Variants in CCDC60 observed in about 807,000 individuals in gnomAD.
CCDC60 encodes the protein coiled-coil domain-containing protein 60.
CCDC60 carries 54 observed loss-of-function variants against 63.5 expected under a neutral mutation model. That is an observed-to-expected ratio of 0.85 (90% CI 0.68 to 1.07). The LOEUF is 1.07. Ranked by LOEUF, CCDC60 falls within the 50% of genes least tolerant of loss-of-function variation. CCDC60 has a pLI of 0.00. For missense variants in CCDC60, 651 were observed against 684.3 expected (o/e 0.95, Z 0.54); for synonymous variants, 206 against 238.8 (o/e 0.86, Z 1.27).
intron 1 of CCDC60, among the ~76,000 whole-genome samples, chr12:119,368,728 T>C (rs1955868382): frequency 6.6e-6 from 1 of 152,348 alleles, no homozygotes; most frequent in East Asian, 1.9e-4. Flanking sequence ...CACAGGTTCA[T>C]GAATGTGCCC....
At chr12:119,346,374 G>A (rs944478942) in intron 1 of CCDC60, among the ~76,000 whole-genome samples, 4 of 152,098 alleles carry the variant, frequency 2.6e-5, no homozygotes, top group Non-Finnish European at 4.4e-5. Context: ...AGGAAACTGA[G>A]GCTTGAAGAA....
intron 1 of CCDC60, among the ~76,000 whole-genome samples, chr12:119,409,795 C>T (rs73406219): frequency 3.8e-4 from 58 of 152,056 alleles, no homozygotes; most frequent in Middle Eastern, 3.4e-3. Flanking sequence ...CTCTTCTCCC[C>T]TCCTCCCTCC....
At chr12:119,361,377 A>C (rs1344292123) in intron 1 of CCDC60, among the ~76,000 whole-genome samples, 1 of 152,166 alleles carries the variant, frequency 6.6e-6, no homozygotes, top group Non-Finnish European at 1.5e-5. Flanking sequence ...GTTTAGACAA[A>C]GTCATCAAGA....
chr12:119,433,888 C>G (rs1206738798), intron 2 of CCDC60, among the ~76,000 whole-genome samples: 1 of 152,188 alleles, frequency 6.6e-6, no homozygotes, highest in Admixed American at 6.5e-5. Context: ...ACCCTAGGCA[C>G]AAACTTGGTG....
At chr12:119,352,794 G>A (rs867063399) in intron 1 of CCDC60, among the ~76,000 whole-genome samples, 7 of 152,106 alleles carry the variant, frequency 4.6e-5, no homozygotes, top group South Asian at 2.1e-4. Flanking sequence ...AAAATTAGCC[G>A]GATGTGGTGG....
At chr12:119,529,101 T>A (rs546585878) in intron 12 of CCDC60, among the ~76,000 whole-genome samples, 1 of 152,126 alleles carries the variant, frequency 6.6e-6, no homozygotes, top group Non-Finnish European at 1.5e-5. Context: ...ATGGGGGTGA[T>A]CACTGCATCC....
chr12:119,483,730 T>C (rs2519543), intron 4 of CCDC60, among the ~76,000 whole-genome samples: 81,896 of 152,032 alleles, frequency 0.54, 22,991 homozygotes, highest in East Asian at 0.85. Flanking sequence ...GTGTGCTGAC[T>C]GCTGGCACTC....
intron 2 of CCDC60, among the ~76,000 whole-genome samples, chr12:119,455,372 T>C (rs1472752030): frequency 1.3e-5 from 2 of 152,114 alleles, no homozygotes; most frequent in Admixed American, 6.6e-5. Context: ...GCAATCACCA[T>C]GTAGTGTGCT....
At chr12:119,464,908 C>G (rs963175359) in intron 2 of CCDC60, among the ~76,000 whole-genome samples, 1 of 152,218 alleles carries the variant, frequency 6.6e-6, no homozygotes, top group Non-Finnish European at 1.5e-5. Context: ...TCAATTGTGT[C>G]CTCCCCAAAT....
At position 119,334,997 on chromosome 12, in the gene CCDC60, G is replaced by A. The variant is rs537029224; in HGVS notation, c.-180G>A. On this transcript the variant is annotated 5_prime_UTR_variant, in exon 1 of 14. Transcript: ENST00000327554. ...CCCGGACTTCCTTATCCCGTCTGTG[G>A]GAGACCCAGGTGCTTTCTCATTACT... 3.8e-6 allele frequency: 2 copies of A among 529,872 alleles called. No homozygotes were observed. Among genetic ancestry groups the A allele is most frequent in the South Asian group, 5.7e-5 (2 of 34,830 alleles). 32.8% of individuals were successfully genotyped at this position (529,872 alleles called of 1,614,324 possible).
intron 1 of CCDC60, among the ~76,000 whole-genome samples, chr12:119,408,555 G>A (rs1309098408): frequency 2.0e-5 from 3 of 152,220 alleles, no homozygotes; most frequent in Non-Finnish European, 4.4e-5. Context: ...TGGGCGCAGT[G>A]GCTCACACCT....
intron 2 of CCDC60, among the ~76,000 whole-genome samples, chr12:119,446,523 A>G (rs1950544207): frequency 6.6e-6 from 1 of 152,208 alleles, no homozygotes; most frequent in Non-Finnish European, 1.5e-5. Flanking sequence ...CTATACAAAG[A>G]TAAAAATAAA....
chr12:119,523,592 T>C, intron 10 of CCDC60, 101 bp from the exon 11 acceptor site: 1 of 1,536,504 alleles, frequency 6.5e-7, no homozygotes, highest in Non-Finnish European at 8.8e-7. Flanking sequence ...GAGTCCCCCA[T>C]GCAGAGCACC....
At chr12:119,404,667 C>T (rs1381244729) in intron 1 of CCDC60, among the ~76,000 whole-genome samples, 4 of 152,188 alleles carry the variant, frequency 2.6e-5, no homozygotes, top group African/African-American at 9.7e-5. Flanking sequence ...CCAAAGACCC[C>T]AACAGGGATG....
chr12:119,378,522 A>C (rs1303750944), intron 1 of CCDC60, among the ~76,000 whole-genome samples: 2 of 152,178 alleles, frequency 1.3e-5, no homozygotes, highest in Non-Finnish European at 2.9e-5. Context: ...TTACAGCAAC[A>C]TCATGAGGGC....
At chr12:119,373,825 G>A (rs1316022069) in intron 1 of CCDC60, among the ~76,000 whole-genome samples, 1 of 152,196 alleles carries the variant, frequency 6.6e-6, no homozygotes, top group Non-Finnish European at 1.5e-5. Flanking sequence ...GACCAAACAT[G>A]TGGATGATTG....
intron 1 of CCDC60, among the ~76,000 whole-genome samples, chr12:119,406,176 AATAT>A (rs113220833): frequency 1.4e-5 from 2 of 143,782 alleles, no homozygotes; most frequent in Non-Finnish European, 3.0e-5. Flanking sequence ...TGTCTCAAAA[AATAT>A]ATATATATAT....
Position 119,454,484 on chromosome 12 carries a change from G to A in CCDC60, c.171-17510G>A, listed in dbSNP as rs185913039. On this transcript the variant is annotated intron_variant, in intron 2 of 13. Coordinates refer to ENST00000327554, the MANE Select transcript of CCDC60 (RefSeq NM_178499.5). ...CTCACCTGTTGCCTATTTACCAGCTGCCCTGGACACGCTCAGTGGAGACTC... is the reference window on the plus strand; with the variant it reads ...CTCACCTGTTGCCTATTTACCAGCTACCCTGGACACGCTCAGTGGAGACTC... 2.5e-3 allele frequency among the ~76,000 whole-genome samples: 379 copies of A among 152,206 alleles called. 3 individuals are homozygous for A. The highest frequency in any genetic ancestry group is 6.5e-3 in the Admixed American group (100 of 15,304).
Position 119,540,646 on chromosome 12 carries a change from A to G in CCDC60, c.1584A>G (p.Gln528=), listed in dbSNP as rs1360884268. 1.2e-6 allele frequency: 2 copies of G among 1,613,952 alleles called. No individual in the cohort carries two copies. The highest frequency in any genetic ancestry group is 2.7e-5 in the African/African-American group (2 of 74,942). Residue 528 remains glutamine (Q), a synonymous_variant, in exon 14 of 14, where the codon CAA becomes CAG. Coordinates refer to ENST00000327554, the MANE Select transcript of CCDC60 (RefSeq NM_178499.5). ...FVREHIIHMP[Q]EDYISWLQSR... ...GAGAACACATCATCCATATGCCTCA[A>G]GAGGATTACATCAGCTGGCTGCAGA...
Sources: allele counts gnomAD v4.1 joint callset (sites outside exome capture counted in the v4.1 genomes callset), GRCh38; gene constraint gnomAD v4.1.1; transcripts MANE v1.5; gene names NCBI Gene and HGNC (gene_info 2026-07-23, HGNC 2026-07-21).